NRP2: variants seen among roughly 807,000 people sequenced by gnomAD.
NRP2 encodes the protein neuropilin 2.
Under a neutral mutation model 110.4 loss-of-function variants are expected in NRP2, and 52 were observed. The ratio of observed to expected loss-of-function variants is 0.47; its 90% CI spans 0.38 to 0.59. The LOEUF (loss-of-function observed/expected upper bound fraction) is 0.59, where lower values mean the gene tolerates loss of function less well. Ranked by LOEUF, NRP2 falls within the 20% of genes least tolerant of loss-of-function variation. The pLI is 0.00. For missense variants in NRP2, 1,049 were observed against 1,203.0 expected (o/e 0.87, Z 1.89); for synonymous variants, 508 against 468.9 (o/e 1.08, Z -1.08).
At chr2:205,740,329 G>C (rs1044432335) in intron 7 of NRP2, among the ~76,000 whole-genome samples, 190 bp from the exon 8 acceptor site, 4 of 152,066 alleles carry the variant, frequency 2.6e-5, no homozygotes, top group African/African-American at 9.7e-5. Context: ...TTTTCAAGTA[G>C]AACAGTGTGA....
At position 205,792,117 on chromosome 2, in the gene NRP2, G is replaced by A. The variant is rs148398346; in HGVS notation, c.2426-118G>A. 5,623 of 734,572 alleles carry A rather than the reference G, an allele frequency of 7.7e-3. 29 individuals are homozygous for A. The highest frequency in any genetic ancestry group is 0.011 in the Non-Finnish European group (4,270 of 397,978). The allele number at this position is 734,572 out of a possible 1,614,324, so 45.5% of individuals were successfully genotyped here. Reference sequence around the variant, plus strand: ...CATAATGAATGATCTAGAAGTAGAGGTGATTCTCTAGCTGCCTGCCAGAAT... The same window carrying A: ...CATAATGAATGATCTAGAAGTAGAGATGATTCTCTAGCTGCCTGCCAGAAT... On this transcript the variant is annotated intron_variant, in intron 15 of 16. Transcript: ENST00000357785.
chr2:205,703,556 G>A (rs1575558898), intron 2 of NRP2, among the ~76,000 whole-genome samples: 1 of 152,184 alleles, frequency 6.6e-6, no homozygotes, highest in Non-Finnish European at 1.5e-5. Context: ...CTCTTGTGCT[G>A]TCTGCCTCCC....
At chr2:205,744,130 A>G (rs947018379) in intron 9 of NRP2, among the ~76,000 whole-genome samples, 3 of 152,182 alleles carry the variant, frequency 2.0e-5, no homozygotes, top group Admixed American at 6.5e-5. Flanking sequence ...GACACTTGAT[A>G]TCATGCCCAG....
intron 8 of NRP2, 143 bp downstream of exon 8, chr2:205,740,806 T>C: frequency 1.2e-6 from 1 of 868,488 alleles, no homozygotes. Flanking sequence ...CCAGAGTTTG[T>C]CTTTTCATTC....
At chr2:205,790,130 T>C (rs796767399) in intron 15 of NRP2, among the ~76,000 whole-genome samples, 2 of 152,354 alleles carry the variant, frequency 1.3e-5, no homozygotes, top group South Asian at 2.1e-4. Context: ...TAAAGTGTTC[T>C]TCTTCACCTT....
intron 7 of NRP2, among the ~76,000 whole-genome samples, chr2:205,730,798 A>T (rs945734823): frequency 9.9e-5 from 15 of 152,204 alleles, no homozygotes; most frequent in African/African-American, 3.6e-4. Flanking sequence ...GTCTTTGCAA[A>T]ACACTGTTTA....
At position 205,716,330 on chromosome 2, in the gene NRP2, G is replaced by A; in HGVS notation, c.389G>A (p.Arg130Gln). The A allele has an allele frequency of 6.2e-7, 1 of 1,614,128 alleles. No individual in the cohort carries two copies. Among genetic ancestry groups the A allele is most frequent in the Non-Finnish European group, 8.5e-7 (1 of 1,180,030 alleles). The change falls in exon 3 of 17, where the codon CGG becomes CAG. Residue 130 changes from arginine to glutamine, a missense_variant. By Grantham distance (43) the Arg-to-Gln change is conservative. Coordinates refer to ENST00000357785, the MANE Select transcript of NRP2 (RefSeq NM_003872.3). ...LYIKFTSDYA[R>Q]QGAGFSLRYE... ...ATCAAGTTCACCTCCGACTACGCCC[G>A]GCAGGGGGCAGGCTTCTCTCTGCGC...
chr2:205,733,166 C>T (rs1013996789), intron 7 of NRP2, among the ~76,000 whole-genome samples: 3 of 152,208 alleles, frequency 2.0e-5, no homozygotes, highest in African/African-American at 7.2e-5. Context: ...AGCCTCTCCA[C>T]TTAGGAAGCT....
chr2:205,776,055 G>A (rs1015205601), intron 15 of NRP2: 4 of 743,768 alleles, frequency 5.4e-6, no homozygotes, highest in Non-Finnish European at 4.9e-6. Context: ...CCTCCCAAGG[G>A]GGTAAGTAGG....
chr2:205,755,174 G>A (rs377530578), intron 12 of NRP2, among the ~76,000 whole-genome samples: 12 of 152,120 alleles, frequency 7.9e-5, no homozygotes, highest in Admixed American at 7.9e-4. Flanking sequence ...GCTACTGGTT[G>A]GGAATTCTAG....
chr2:205,696,699 C>G (rs529895115), intron 1 of NRP2, among the ~76,000 whole-genome samples: 1 of 152,188 alleles, frequency 6.6e-6, no homozygotes, highest in Non-Finnish European at 1.5e-5. Flanking sequence ...TTCCTGCAAA[C>G]GGCCAGTTAT....
chr2:205,731,737 T>A (rs560216394), intron 7 of NRP2, among the ~76,000 whole-genome samples: 13 of 152,300 alleles, frequency 8.5e-5, no homozygotes, highest in Admixed American at 3.3e-4. Context: ...ATGCACGCTA[T>A]TGGCCAGATC....
chr2:205,716,751 T>C (rs2056905394), intron 3 of NRP2, among the ~76,000 whole-genome samples: 1 of 152,204 alleles, frequency 6.6e-6, no homozygotes, highest in African/African-American at 2.4e-5. Context: ...AATGATGTCT[T>C]TATTTGGAAC....
At chr2:205,720,474 C>T (rs2056988743) in intron 3 of NRP2, among the ~76,000 whole-genome samples, 1 of 152,116 alleles carries the variant, frequency 6.6e-6, no homozygotes, top group Non-Finnish European at 1.5e-5. Context: ...ATTCCCCACT[C>T]CCAGGGGGGT....
At chr2:205,691,511 G>T (rs1459437318) in intron 1 of NRP2, among the ~76,000 whole-genome samples, 4 of 152,332 alleles carry the variant, frequency 2.6e-5, no homozygotes, top group Non-Finnish European at 5.9e-5. Context: ...TCAATTCAAG[G>T]CCCAAATTGC....
intron 15 of NRP2, among the ~76,000 whole-genome samples, chr2:205,784,620 C>T (rs554360504): frequency 1.8e-4 from 27 of 152,304 alleles, no homozygotes; most frequent in African/African-American, 5.5e-4. Flanking sequence ...CCCATCACTG[C>T]TTTCTGGCTC....
At chr2:205,773,303 A>G (rs1215548558) in intron 15 of NRP2, among the ~76,000 whole-genome samples, 4 of 152,188 alleles carry the variant, frequency 2.6e-5, no homozygotes, top group African/African-American at 9.7e-5. Flanking sequence ...GGGGATCAGG[A>G]AGGGTTTGCT....
intron 2 of NRP2, among the ~76,000 whole-genome samples, chr2:205,702,632 A>G (rs1242510432): frequency 6.6e-6 from 1 of 152,238 alleles, no homozygotes; most frequent in East Asian, 1.9e-4. Flanking sequence ...TCCCAAAGTA[A>G]GAGATGATAT....
intron 2 of NRP2, among the ~76,000 whole-genome samples, chr2:205,701,728 G>A (rs1485238470): frequency 6.6e-6 from 1 of 152,170 alleles, no homozygotes; most frequent in Non-Finnish European, 1.5e-5. Flanking sequence ...ATTGAAGAAT[G>A]ACATTCCATT....
Sources: gnomAD v4.1 joint callset for allele counts (sites outside exome capture counted in the v4.1 genomes callset) on GRCh38, gnomAD v4.1.1 for gene constraint, MANE v1.5 for transcripts, NCBI Gene and HGNC (gene_info 2026-07-23, HGNC 2026-07-21) for gene names.